IRAK1: variants seen among roughly 807,000 people sequenced by gnomAD.
IRAK1 encodes the protein interleukin 1 receptor associated kinase 1.
In IRAK1, 9 loss-of-function variants were observed where a neutral mutation model predicts 49.8. The ratio of observed to expected loss-of-function variants is 0.18; its 90% confidence interval spans 0.11 to 0.32. IRAK1 has a LOEUF of 0.32. IRAK1 is among the 10% of genes least tolerant of loss of function. The pLI is 1.00. For synonymous variants in IRAK1, 282 were observed against 270.8 expected, an observed-to-expected ratio of 1.04 and a Z score of -0.41; for missense variants, 418 against 600.5, an observed-to-expected ratio of 0.70 and a Z score of 3.18.
rs1557129294 is a variant in IRAK1 at position 154,016,586 on chromosome X, G to A, written c.1087C>T (p.Arg363Trp). 13 of 1,211,848 alleles carry A rather than the reference G, an allele frequency of 1.1e-5. No individual in the cohort carries two copies. The highest frequency in any genetic ancestry group is 1.5e-5 in the Non-Finnish European group (13 of 895,239). Residue 363 changes from arginine (R) to tryptophan (W), a missense_variant, in exon 9 of 14, where the codon CGG becomes TGG. Coordinates refer to ENST00000369980, the MANE Select transcript of IRAK1 (RefSeq NM_001569.4). ...CTGGACCCGGCAAAGCGGCTGAACC[G>A]GGCCAGGCCAAAGTCTCCCAGCTTG... ...TPKLGDFGLARFSRFAGSSPS... is the reference protein window; with the variant it reads ...TPKLGDFGLAWFSRFAGSSPS...
chrX:154,014,369 G>A, intron 10 of IRAK1, 91 bp from the exon 11 acceptor site: 4 of 350,816 alleles, frequency 1.1e-5, no homozygotes, highest in Admixed American at 1.9e-4. Context: ...TATGGGTTTT[G>A]ATAAAAAAAA....
At chrX:154,016,718 C>T in intron 8 of IRAK1, 74 bp from the exon 9 acceptor site, 4 of 922,495 alleles carry the variant, frequency 4.3e-6, no homozygotes, top group Non-Finnish European at 6.1e-6. Flanking sequence ...AGGCTGGACT[C>T]GAGGCTGCCA....
In IRAK1 at chrX:154,011,067, C is replaced by T. The variant is rs1218426274; in HGVS notation, c.*792G>A. On this transcript the variant is annotated 3_prime_UTR_variant, in exon 14 of 14. Transcript: ENST00000369980. Reference sequence around the variant, plus strand: ...TGCTAGGACTGAACCATGAGACTTACAGCCATACTTCACTTTTCCCAGGGT... The same window carrying T: ...TGCTAGGACTGAACCATGAGACTTATAGCCATACTTCACTTTTCCCAGGGT... The T allele has an allele frequency of 2.9e-6, 1 of 341,045 alleles. No individual in the cohort carries two copies. Among genetic ancestry groups the T allele is most frequent in the Non-Finnish European group, 5.9e-6 (1 of 169,984 alleles). The allele number at this position is 341,045 out of a possible 1,213,427, so 28.1% of individuals were successfully genotyped here.
At position 154,016,691 on chromosome X, in the gene IRAK1, C is replaced by T. The variant is rs782100171; in HGVS notation, c.1029-47G>A. 7.5e-6 allele frequency: 8 copies of T among 1,065,666 alleles called. No homozygotes were observed. In the Admixed American group the frequency reaches 1.8e-4, roughly 24 times the overall value. 87.8% of individuals were successfully genotyped at this position (1,065,666 alleles called of 1,213,427 possible). On this transcript the variant is annotated intron_variant, in intron 8 of 13. Coordinates refer to ENST00000369980, the MANE Select transcript of IRAK1 (RefSeq NM_001569.4). ...CGTCAGCCCGGTCCTAGCTCCTACA[C>T]CTGCCCGGCTTAGATAAGGCTGGAC...
At position 154,019,816 on chromosome X, in the gene IRAK1, T is replaced by C; in HGVS notation, c.-4A>G. On this transcript the variant is annotated 5_prime_UTR_variant, in exon 1 of 14. Transcript: ENST00000369980. Reference sequence around the variant, plus strand: ...CCGGGCCCGGCCCCCCGGCCATGGCTGCCGCCGCCGGGCCGGGACCTGCCG... The same window carrying C: ...CCGGGCCCGGCCCCCCGGCCATGGCCGCCGCCGCCGGGCCGGGACCTGCCG... 1.2e-6 allele frequency: 1 copy of C among 858,872 alleles called. No individual in the cohort carries two copies. Among genetic ancestry groups the C allele is most frequent in the Non-Finnish European group, 1.4e-6 (1 of 705,878 alleles). 70.8% of individuals were successfully genotyped at this position (858,872 alleles called of 1,213,427 possible). A position where few individuals can be genotyped will look rare whatever the true frequency, so the allele number is the denominator to read the frequency against.
intron 7 of IRAK1, among the ~76,000 whole-genome samples, chrX:154,017,593 C>T (rs1322426925): frequency 9.0e-6 from 1 of 110,771 alleles, no homozygotes. Flanking sequence ...GTCAGGAGTT[C>T]GAGACTAGCC....
At chrX:154,012,424 G>A in intron 13 of IRAK1, 105 bp downstream of exon 13, 5 of 962,448 alleles carry the variant, frequency 5.2e-6, no homozygotes, top group Non-Finnish European at 7.0e-6. Context: ...CCAGTGGCCT[G>A]CCCGGCTGCC....
intron 7 of IRAK1, among the ~76,000 whole-genome samples, chrX:154,017,423 C>T (rs1027369884): frequency 8.9e-6 from 1 of 112,294 alleles, no homozygotes; most frequent in African/African-American, 3.2e-5. Flanking sequence ...CAGACCCCCT[C>T]GCCTCCGGGG....
intron 11 of IRAK1, 145 bp from the exon 12 acceptor site, chrX:154,013,578 C>T (rs111637323): frequency 5.7e-5 from 31 of 544,811 alleles, no homozygotes; most frequent in Non-Finnish European, 7.6e-5. Flanking sequence ...AACGCTCTGC[C>T]CCTCGCCCCT....
chrX:154,013,874 G>A (rs1211633352), intron 11 of IRAK1, among the ~76,000 whole-genome samples, 168 bp downstream of exon 11: 1 of 112,421 alleles, frequency 8.9e-6, no homozygotes, highest in Non-Finnish European at 1.9e-5. Flanking sequence ...ACTGCCCGGG[G>A]CCCCTCAGTT....
At chrX:154,018,538 G>A in intron 5 of IRAK1, 61 bp downstream of exon 5, 2 of 998,240 alleles carry the variant, frequency 2.0e-6, no homozygotes, top group South Asian at 2.0e-5. Context: ...GGGAAAGGCT[G>A]GAGAAGTGGT....
intron 8 of IRAK1, 111 bp downstream of exon 8, chrX:154,016,838 C>T (rs2065742091): frequency 6.0e-6 from 4 of 666,261 alleles, no homozygotes; most frequent in African/African-American, 4.2e-5. Flanking sequence ...CACACCTGTG[C>T]GATGCCGGGG....
intron 10 of IRAK1, 105 bp from the exon 11 acceptor site, chrX:154,014,383 A>G: frequency 5.4e-6 from 4 of 742,100 alleles, no homozygotes; most frequent in Non-Finnish European, 8.0e-6. Flanking sequence ...AAAAAAAAAA[A>G]AAAAAAAAAA....
Position 154,019,021 on chromosome X carries a change from G to A in IRAK1, c.494C>T (p.Ala165Val), listed in dbSNP as rs782295969. The A allele has an allele frequency of 5.5e-5, 66 of 1,207,246 alleles. 1 individual carries two copies. Among genetic ancestry groups the A allele is most frequent in the Non-Finnish European group, 7.2e-5 (64 of 893,673 alleles). ...AGATGGCGGTGGAGGCCACAGGGAAGCAGGGCTTGGGACCAGGCCGAGCTC... is the reference window on the plus strand; with the variant it reads ...AGATGGCGGTGGAGGCCACAGGGAAACAGGGCTTGGGACCAGGCCGAGCTC... ...GPELGLVPSP[A>V]SLWPPPPSPA... The change falls in exon 4 of 14, where the codon GCT (alanine) becomes GTT (valine). Residue 165 changes from alanine to valine, a missense_variant. Transcript: ENST00000369980.
At chrX:154,016,249 A>G (rs2065737956) in intron 9 of IRAK1, 152 bp from the exon 10 acceptor site, 3 of 606,050 alleles carry the variant, frequency 5.0e-6, no homozygotes, top group Non-Finnish European at 8.2e-6. Context: ...GCCCACTTGA[A>G]GACAAATTAC....
In IRAK1 at chrX:154,011,663, G is replaced by A; in HGVS notation, c.*196C>T. 1 of 506,488 alleles carries A rather than the reference G, an allele frequency of 2.0e-6. No homozygotes were observed. The highest frequency in any genetic ancestry group is 3.6e-6 in the Non-Finnish European group (1 of 278,905). 41.7% of individuals were successfully genotyped at this position (506,488 alleles called of 1,213,427 possible). On this transcript the variant is annotated 3_prime_UTR_variant, in exon 14 of 14. Coordinates refer to ENST00000369980, the MANE Select transcript of IRAK1 (RefSeq NM_001569.4). ...CCAGCCTTCCTTGCCCCCAGATGCT[G>A]GCATGGAGGCAGGGTTCCACTCTGC...
chrX:154,016,181 G>A (rs1557129116), intron 9 of IRAK1, 84 bp from the exon 10 acceptor site: 1 of 844,672 alleles, frequency 1.2e-6, no homozygotes, highest in Non-Finnish European at 1.8e-6. Flanking sequence ...GGCCTGACAA[G>A]GGTGTGGACA....
At chrX:154,012,421 C>A in intron 13 of IRAK1, 108 bp downstream of exon 13, 2 of 946,897 alleles carry the variant, frequency 2.1e-6, no homozygotes, top group Non-Finnish European at 2.9e-6. Context: ...GAGCCAGTGG[C>A]CTGCCCGGCT....
Position 154,011,857 on chromosome X carries a change from C to T in IRAK1, c.*2G>A. On this transcript the variant is annotated 3_prime_UTR_variant, in exon 14 of 14. Transcript: ENST00000369980. ...TTTGGGGGATCTGCCCAGGTGAACA[C>T]ATCAGCTCTGAAATTCATCACTTTC... 1.7e-6 allele frequency: 2 copies of T among 1,209,817 alleles called. No homozygotes were observed. The highest frequency in any genetic ancestry group is 1.7e-5 in the African/African-American group (1 of 57,937).
Sources: gnomAD v4.1 joint callset for allele counts (sites outside exome capture counted in the v4.1 genomes callset) on GRCh38, gnomAD v4.1.1 for gene constraint, MANE v1.5 for transcripts, NCBI Gene and HGNC (gene_info 2026-07-23, HGNC 2026-07-21) for gene names.